Variants in PREPL observed in about 807,000 individuals in gnomAD.
PREPL encodes prolyl endopeptidase like.
PREPL carries 77 observed loss-of-function variants against 70.6 expected under a neutral mutation model. The ratio of observed to expected loss-of-function variants is 1.09; its 90% CI spans 0.91 to 1.32. The LOEUF (loss-of-function observed/expected upper bound fraction) is 1.32, where lower values mean the gene tolerates loss of function less well. Ranked by LOEUF, PREPL falls within the 40% of genes most tolerant of loss-of-function variation. The pLI, the probability that PREPL is intolerant of heterozygous loss-of-function variation, is 0.00. For synonymous variants in PREPL, 315 were observed against 264.8 expected (o/e 1.19, Z -1.84); for missense variants, 1,002 against 778.2 (o/e 1.29, Z -3.42).
At chr2:44,352,627 G>C in intron 1 of PREPL, among the ~76,000 whole-genome samples, 1 of 152,030 alleles carries the variant, frequency 6.6e-6, no homozygotes, top group East Asian at 1.9e-4. Flanking sequence ...ACAAAGGCAG[G>C]GATTTTTGTT....
chr2:44,355,228 A>C (rs1313856762), intron 1 of PREPL, among the ~76,000 whole-genome samples: 1 of 152,194 alleles, frequency 6.6e-6, no homozygotes, highest in African/African-American at 2.4e-5. Flanking sequence ...CAAGCTCTCT[A>C]GTCTTCCATT....
chr2:44,337,717 T>G (rs529728914), intron 7 of PREPL, among the ~76,000 whole-genome samples: 2 of 152,288 alleles, frequency 1.3e-5, no homozygotes, highest in South Asian at 4.2e-4. Context: ...TTCACCAATT[T>G]TAGGAAGTTC....
chr2:44,323,257 A>G lies in PREPL; in HGVS notation c.1629+5T>C. Reference sequence around the variant, plus strand: ...GGATAATCTAACACAATTGTCTTTCACTACCTGAGGTTTAATATTTTGATA... The same window carrying G: ...GGATAATCTAACACAATTGTCTTTCGCTACCTGAGGTTTAATATTTTGATA... On this transcript the variant is annotated splice_donor_5th_base_variant and intron_variant, in intron 11 of 13. Transcript: ENST00000409411. 6.3e-7 allele frequency: 1 copy of G among 1,587,546 alleles called. No individual in the cohort carries two copies. The highest frequency in any genetic ancestry group is 1.8e-5 in the Admixed American group (1 of 54,550).
rs184670047 is a variant in PREPL, at chr2:44,337,296, G to A, written c.888+1055C>T. On this transcript the variant is annotated intron_variant, in intron 7 of 13. Transcript: ENST00000409411. The stretch of plus-strand genomic sequence containing the variant: ...ACCAACTTTACCAAAAGCTTTCCTG[G>A]GCCTTCTTCTCTAGTTTGAGCCCCA... 8.6e-4 allele frequency among the ~76,000 whole-genome samples: 131 copies of A among 151,878 alleles called. 2 individuals carry two copies. Among genetic ancestry groups the A allele is most frequent in the East Asian group, 6.4e-3 (33 of 5,166 alleles).
At position 44,323,308 on chromosome 2, in the gene PREPL, T is replaced by C. The variant is rs752893947; in HGVS notation, c.1583A>G (p.Lys528Arg). Reference sequence around the variant, plus strand: ...GGGACAGTAACGTTTTATGTAGTTCTTGTGTTTTTCATCAGATGAAGGATT... The same window carrying C: ...GGGACAGTAACGTTTTATGTAGTTCCTGTGTTTTTCATCAGATGAAGGATT... ...WGNPSSDEKH[K>R]NYIKRYCPYQ... Residue 528 changes from lysine to arginine, a missense_variant, in exon 11 of 14, where the codon AAG (lysine) becomes AGG (arginine). Physicochemically the swap from Lys to Arg is conservative, Grantham distance 26 (BLOSUM62 2). Coordinates refer to ENST00000409411, the MANE Select transcript of PREPL (RefSeq NM_001171613.2). 6 of 1,608,778 alleles carry C rather than the reference T, an allele frequency of 3.7e-6. No individual in the cohort carries two copies. The highest frequency in any genetic ancestry group is 2.2e-5 in the East Asian group (1 of 44,756).
intron 1 of PREPL, among the ~76,000 whole-genome samples, chr2:44,349,551 G>A (rs1167909021): frequency 6.6e-6 from 1 of 152,096 alleles, no homozygotes; most frequent in Non-Finnish European, 1.5e-5. Flanking sequence ...GGAAGTAGAA[G>A]AAAGGTAAGA....
intron 13 of PREPL, 49 bp downstream of exon 13, chr2:44,321,778 A>G: frequency 6.2e-7 from 1 of 1,613,704 alleles, no homozygotes; most frequent in Non-Finnish European, 8.5e-7. Context: ...TGAAAACAAC[A>G]TGTATCTAGT....
chr2:44,325,148 G>A (rs1023893279), intron 10 of PREPL, among the ~76,000 whole-genome samples: 1 of 152,182 alleles, frequency 6.6e-6, no homozygotes, highest in Non-Finnish European at 1.5e-5. Context: ...CTAAGTGCTA[G>A]ACTTCTCTTT....
At chr2:44,324,540 G>C (rs1673302114) in intron 10 of PREPL, among the ~76,000 whole-genome samples, 2 of 152,120 alleles carry the variant, frequency 1.3e-5, no homozygotes, top group Admixed American at 6.5e-5. Context: ...TGAAAGAAGA[G>C]AAAACAACCC....
chr2:44,329,331 C>G (rs1673857941), intron 8 of PREPL, among the ~76,000 whole-genome samples: 1 of 152,132 alleles, frequency 6.6e-6, no homozygotes, highest in South Asian at 2.1e-4. Context: ...CAGAAAAGAG[C>G]AGCAAGACTG....
intron 9 of PREPL, among the ~76,000 whole-genome samples, chr2:44,327,949 A>C (rs1467642050): frequency 6.6e-6 from 1 of 151,950 alleles, no homozygotes; most frequent in Non-Finnish European, 1.5e-5. Flanking sequence ...CAGGAGTTCG[A>C]GACCAGCCTG....
chr2:44,337,729 C>T (rs1213222353), intron 7 of PREPL, among the ~76,000 whole-genome samples: 1 of 152,160 alleles, frequency 6.6e-6, no homozygotes, highest in African/African-American at 2.4e-5. Flanking sequence ...AGGAAGTTCA[C>T]TTGTGAAGGC....
At position 44,346,379 on chromosome 2, in the gene PREPL, A is replaced by G. The variant is rs763365471; in HGVS notation, c.-37T>C. The G allele has an allele frequency of 9.3e-6, 15 of 1,612,520 alleles. No homozygotes were observed. In the South Asian group the frequency reaches 1.3e-4, roughly 14 times the overall value. Reference sequence around the variant, plus strand: ...GGGGTTTTTCGTTTTCTTGTTTAACAGGCTGAAGATCCTGGAAAAAGTTTT... The same window carrying G: ...GGGGTTTTTCGTTTTCTTGTTTAACGGGCTGAAGATCCTGGAAAAAGTTTT... On this transcript the variant is annotated 5_prime_UTR_variant, in exon 2 of 14. Coordinates refer to ENST00000409411, the MANE Select transcript of PREPL (RefSeq NM_001171613.2).
At chr2:44,334,615 G>A (rs769207163) in intron 7 of PREPL, among the ~76,000 whole-genome samples, 1 of 152,102 alleles carries the variant, frequency 6.6e-6, no homozygotes, top group Non-Finnish European at 1.5e-5. Context: ...GCGTGATCTC[G>A]GCTCACTGCA....
chr2:44,336,045 C>G (rs1175067974), intron 7 of PREPL, among the ~76,000 whole-genome samples: 1 of 151,826 alleles, frequency 6.6e-6, no homozygotes, highest in Non-Finnish European at 1.5e-5. Context: ...GTTAAAAAGT[C>G]AAAATATAAC....
At chr2:44,360,797 T>C (rs1301123882) in intron 1 of PREPL, 2 of 152,218 alleles carry the variant, frequency 1.3e-5, no homozygotes, top group African/African-American at 2.4e-5. Context: ...TAAATGGCAG[T>C]TGCTATTATT....
chr2:44,324,243 C>A (rs1023477205), intron 10 of PREPL, among the ~76,000 whole-genome samples: 1 of 152,108 alleles, frequency 6.6e-6, no homozygotes, highest in Non-Finnish European at 1.5e-5. Context: ...GAGACAGAGG[C>A]TGTGGGAAGA....
chr2:44,359,554 A>C, intron 1 of PREPL: 3 of 1,613,580 alleles, frequency 1.9e-6, no homozygotes, highest in Non-Finnish European at 2.5e-6. Flanking sequence ...TCTTGGGTTT[A>C]TTCTGAAGAC....
At chr2:44,347,703 G>C (rs139666157) in intron 1 of PREPL, among the ~76,000 whole-genome samples, 6 of 152,338 alleles carry the variant, frequency 3.9e-5, no homozygotes, top group African/African-American at 1.4e-4. Context: ...CTCTGCCAAA[G>C]ATGACAATTG....
Sources: allele counts gnomAD v4.1 joint callset (sites outside exome capture counted in the v4.1 genomes callset), GRCh38; gene constraint gnomAD v4.1.1; transcripts MANE v1.5; gene names NCBI Gene and HGNC (gene_info 2026-07-23, HGNC 2026-07-21).